Variants in AGMO observed in about 807,000 individuals in gnomAD.
AGMO encodes the protein glyceryl-ether monooxygenase.
Under a neutral mutation model 60.2 loss-of-function variants are expected in AGMO, and 75 were observed. The observed-to-expected ratio is 1.25, with a 90% CI of 1.03 to 1.51. The LOEUF (loss-of-function observed/expected upper bound fraction) is 1.51. AGMO is among the 40% of genes most tolerant of loss of function. The pLI, the probability that AGMO is intolerant of heterozygous loss-of-function variation, is 0.00. For missense variants in AGMO, 763 were observed against 525.5 expected (o/e 1.45, Z -4.42); for synonymous variants, 261 against 177.1 (o/e 1.47, Z -3.76).
intron 10 of AGMO, among the ~76,000 whole-genome samples, chr7:15,368,444 G>T (rs1364916203): frequency 6.6e-6 from 1 of 152,120 alleles, no homozygotes; most frequent in African/African-American, 2.4e-5. Context: ...AAAATCTGTA[G>T]TATGATTGCA....
At chr7:15,285,998 T>C (rs945285114) in intron 12 of AGMO, among the ~76,000 whole-genome samples, 9 of 152,060 alleles carry the variant, frequency 5.9e-5, no homozygotes, top group Non-Finnish European at 8.8e-5. Flanking sequence ...TTAATAAATG[T>C]TGCTGTGAAA....
chr7:15,530,989 ATATATATT>A (rs1178597899), intron 3 of AGMO, among the ~76,000 whole-genome samples: 5 of 39,542 alleles, frequency 1.3e-4, no homozygotes, highest in African/African-American at 4.5e-4. Flanking sequence ...TGTATATTCT[ATATATATT>A]CTATATATTC....
chr7:15,370,923 G>A (rs1176823135), intron 10 of AGMO, among the ~76,000 whole-genome samples: 2 of 151,946 alleles, frequency 1.3e-5, no homozygotes, highest in Non-Finnish European at 2.9e-5. Context: ...TTTTGTTTTT[G>A]TTGTAGTTGC....
chr7:15,153,171 T>C, the AGMO span, among the ~76,000 whole-genome samples: 1 of 114,782 alleles, frequency 8.7e-6, no homozygotes, highest in Non-Finnish European at 1.8e-5. Flanking sequence ...TTAGCTTGGT[T>C]TTTGATAGGA....
intron 12 of AGMO, 119 bp downstream of exon 12, chr7:15,365,395 A>AAAAAAAAAAAAAAAAT: frequency 2.1e-6 from 1 of 477,682 alleles, no homozygotes; most frequent in Non-Finnish European, 3.6e-6. Context: ...AAAAAAAAAA[A>AAAAAAAAAAAAAAAAT]GATCAAGATT....
intron 3 of AGMO, among the ~76,000 whole-genome samples, chr7:15,481,666 G>A (rs1408049465): frequency 6.6e-6 from 1 of 151,934 alleles, no homozygotes; most frequent in African/African-American, 2.4e-5. Flanking sequence ...AAAAGAAGCA[G>A]GCAAAATACT....
chr7:15,181,086 TCACCTCTTAAAGGTTC>T, the AGMO span, among the ~76,000 whole-genome samples: 3 of 152,136 alleles, frequency 2.0e-5, no homozygotes, highest in Non-Finnish European at 4.4e-5. Context: ...CATGACCTAA[TCACCTCTTAAAGGTTC>T]CACCTCTTAA....
chr7:15,245,461 G>A (rs558544582), intron 12 of AGMO, among the ~76,000 whole-genome samples: 14 of 152,052 alleles, frequency 9.2e-5, no homozygotes, highest in African/African-American at 3.1e-4. Context: ...AGCTCAACAG[G>A]GAACAAAATT....
chr7:15,358,427 A>T, intron 12 of AGMO: 1 of 471,302 alleles, frequency 2.1e-6, no homozygotes, highest in Non-Finnish European at 4.4e-6. Context: ...GCAGAGTTGG[A>T]AGACAAGTAG....
At chr7:15,305,894 C>A (rs1256811422) in intron 12 of AGMO, among the ~76,000 whole-genome samples, 1 of 151,756 alleles carries the variant, frequency 6.6e-6, no homozygotes, top group African/African-American at 2.4e-5. Flanking sequence ...CCTAAAAGAA[C>A]AAATCTTTTT....
At chr7:15,432,113 G>C (rs1781259089) in intron 3 of AGMO, among the ~76,000 whole-genome samples, 1 of 151,538 alleles carries the variant, frequency 6.6e-6, no homozygotes, top group Admixed American at 6.6e-5. Context: ...AATTAGCTAT[G>C]TGACATGATC....
rs202044755 is a variant in AGMO at position 15,319,673 on chromosome 7, A to C, written c.1263+45841T>G. Among the ~76,000 whole-genome samples, 20 of 152,250 alleles carry C rather than the reference A, an allele frequency of 1.3e-4. No homozygotes were observed. The East Asian group carries it at 3.5e-3, about 27-fold the overall frequency. On this transcript the variant is annotated intron_variant, in intron 12 of 12. Transcript: ENST00000342526. ...AAACTTTAAATTTAATATCCATTAC[A>C]CAATCAAAGATTACCAGAAACACAC...
intron 12 of AGMO, among the ~76,000 whole-genome samples, chr7:15,287,206 C>T (rs139337955): frequency 6.6e-6 from 1 of 152,196 alleles, no homozygotes; most frequent in East Asian, 1.9e-4. Flanking sequence ...AAACCATGTA[C>T]ATCCCCAAAG....
chr7:15,406,302 A>AAT (rs1179209698), intron 5 of AGMO, among the ~76,000 whole-genome samples: 21 of 144,576 alleles, frequency 1.5e-4, no homozygotes, highest in Non-Finnish European at 2.3e-4. Context: ...ATATATATGG[A>AAT]ATATACATAT....
rs147341997 is a variant in AGMO at position 15,217,754 on chromosome 7, T to A, written c.1264-16395A>T. ...AAAATACAGTGTGTCTAACTGAAAT[T>A]CAAGAAAGTAAATGAGAAGAATGGT... On this transcript the variant is annotated intron_variant, in intron 12 of 12. Coordinates refer to ENST00000342526, the MANE Select transcript of AGMO (RefSeq NM_001004320.2). Among the ~76,000 whole-genome samples the A allele has an allele frequency of 5.3e-4, 80 of 151,954 alleles. 1 individual carries two copies. The highest frequency in any genetic ancestry group is 4.4e-3 in the East Asian group (23 of 5,172).
At chr7:15,228,207 C>T (rs1782148371) in intron 12 of AGMO, among the ~76,000 whole-genome samples, 1 of 152,022 alleles carries the variant, frequency 6.6e-6, no homozygotes, top group African/African-American at 2.4e-5. Flanking sequence ...TAGTAGAAGT[C>T]TACTTTGGTG....
intron 12 of AGMO, among the ~76,000 whole-genome samples, chr7:15,251,908 C>T (rs73060415): frequency 0.028 from 4,330 of 152,262 alleles, 102 homozygotes; most frequent in Non-Finnish European, 0.048. Context: ...TTATAAGACT[C>T]CTGACATTCA....
chr7:15,309,685 T>C (rs114119015), intron 12 of AGMO, among the ~76,000 whole-genome samples: 231 of 151,234 alleles, frequency 1.5e-3, no homozygotes, highest in African/African-American at 5.2e-3. Flanking sequence ...ATATCCTCTC[T>C]AAAATAGACT....
At chr7:15,230,574 T>G (rs752805078) in intron 12 of AGMO, among the ~76,000 whole-genome samples, 12 of 152,158 alleles carry the variant, frequency 7.9e-5, no homozygotes, top group Admixed American at 6.6e-5. Flanking sequence ...CTCTGTTGGG[T>G]CATGCTCTTT....
Sources: allele counts gnomAD v4.1 joint callset (sites outside exome capture counted in the v4.1 genomes callset), GRCh38; gene constraint gnomAD v4.1.1; transcripts MANE v1.5; gene names NCBI Gene and HGNC (gene_info 2026-07-23, HGNC 2026-07-21).